SKAP1: variants seen among roughly 807,000 people sequenced by gnomAD.
The protein encoded by SKAP1 is src kinase-associated phosphoprotein 1.
A neutral mutation model predicts 58.5 loss-of-function variants in SKAP1; 44 were observed. That is an observed-to-expected ratio of 0.75 (90% CI 0.59 to 0.97). SKAP1 has a LOEUF of 0.97. Among genes scored for constraint, SKAP1 ranks in the 50% least tolerant of loss-of-function variants. The pLI, the probability that SKAP1 is intolerant of heterozygous loss-of-function variation, is 0.00. For synonymous variants in SKAP1, 127 were observed against 149.7 expected (o/e 0.85, Z 1.11); for missense variants, 390 against 435.2 (o/e 0.90, Z 0.92).
chr17:48,345,066 T>C (rs2066704904), intron 4 of SKAP1, among the ~76,000 whole-genome samples: 1 of 152,202 alleles, frequency 6.6e-6, no homozygotes, highest in Non-Finnish European at 1.5e-5. Context: ...TGGGAAGGCA[T>C]GAGAGAGACT....
chr17:48,405,425 CTTTCTTTCTTTCTTTCTTTCTTTCT>C (rs199815229), intron 1 of SKAP1, among the ~76,000 whole-genome samples: 2,595 of 85,998 alleles, frequency 0.03, 55 homozygotes, highest in East Asian at 0.071. Flanking sequence ...TTCTTTCTTT[CTTTCTTTCTTTCTTTCTTTCTTTCT>C]TTTCTTTCTT....
chr17:48,172,972 T>TA (rs2143390933), intron 9 of SKAP1, among the ~76,000 whole-genome samples: 1 of 152,216 alleles, frequency 6.6e-6, no homozygotes, highest in African/African-American at 2.4e-5. Context: ...GCCCAAGAGT[T>TA]AGACACCAGC....
At chr17:48,322,750 C>G (rs1274172143) in intron 4 of SKAP1, among the ~76,000 whole-genome samples, 1 of 152,214 alleles carries the variant, frequency 6.6e-6, no homozygotes, top group Non-Finnish European at 1.5e-5. Context: ...GCCCTCTGCA[C>G]TTTTCAGCTG....
intron 4 of SKAP1, among the ~76,000 whole-genome samples, chr17:48,273,825 C>G (rs946075746): frequency 5.3e-5 from 8 of 152,276 alleles, no homozygotes; most frequent in African/African-American, 1.9e-4. Context: ...GTTAATAATG[C>G]AGATTCAGGG....
At chr17:48,293,143 A>C (rs2065919762) in intron 4 of SKAP1, among the ~76,000 whole-genome samples, 1 of 152,188 alleles carries the variant, frequency 6.6e-6, no homozygotes, top group South Asian at 2.1e-4. Context: ...GTAATCCTTA[A>C]GCTGTAATTT....
chr17:48,208,402 A>G (rs986297607), intron 4 of SKAP1, among the ~76,000 whole-genome samples: 2 of 152,162 alleles, frequency 1.3e-5, no homozygotes, highest in Non-Finnish European at 2.9e-5. Flanking sequence ...TGAAGGTATA[A>G]ATCAGCTTTC....
At chr17:48,181,348 G>A (rs2064366298) in intron 8 of SKAP1, among the ~76,000 whole-genome samples, 1 of 152,078 alleles carries the variant, frequency 6.6e-6, no homozygotes, top group Non-Finnish European at 1.5e-5. Context: ...GTTTTATTGA[G>A]GTTTACACAC....
intron 8 of SKAP1, among the ~76,000 whole-genome samples, chr17:48,181,049 G>T (rs1431791268): frequency 2.0e-5 from 3 of 152,108 alleles, no homozygotes; most frequent in Non-Finnish European, 4.4e-5. Flanking sequence ...CCCTCTGCAG[G>T]ATGGGTGAGT....
intron 4 of SKAP1, among the ~76,000 whole-genome samples, chr17:48,264,184 T>C (rs1953177257): frequency 6.7e-6 from 1 of 148,992 alleles, no homozygotes; most frequent in African/African-American, 2.6e-5. Flanking sequence ...AAGCATTTGA[T>C]ATCTAGCTTA....
At chr17:48,376,850 G>A (rs2067156182) in intron 2 of SKAP1, among the ~76,000 whole-genome samples, 1 of 152,184 alleles carries the variant, frequency 6.6e-6, no homozygotes, top group Admixed American at 6.5e-5. Flanking sequence ...AAGAACCCAT[G>A]TCTGACTAAT....
At chr17:48,433,704 A>G (rs2067929115), upstream of SKAP1, among the ~76,000 whole-genome samples, 1 of 152,266 alleles carries the variant, frequency 6.6e-6, no homozygotes, top group Admixed American at 6.5e-5. Context: ...GATGTAGAAC[A>G]GCCAGGAATG....
At chr17:48,414,117 A>T (rs2144590922) in intron 1 of SKAP1, among the ~76,000 whole-genome samples, 1 of 152,362 alleles carries the variant, frequency 6.6e-6, no homozygotes, top group East Asian at 1.9e-4. Context: ...CTTAACTAAG[A>T]GTTTACAGTC....
chr17:48,146,508 A>G (rs1418569151), intron 11 of SKAP1, among the ~76,000 whole-genome samples: 1 of 149,882 alleles, frequency 6.7e-6, no homozygotes, highest in Non-Finnish European at 1.5e-5. Flanking sequence ...AAAAAAAACA[A>G]TGAAGGGGAA....
At chr17:48,147,679 G>A (rs550173616) in intron 11 of SKAP1, among the ~76,000 whole-genome samples, 4 of 152,276 alleles carry the variant, frequency 2.6e-5, no homozygotes, top group South Asian at 2.1e-4. Flanking sequence ...TGAAAGGATC[G>A]AAGCTCAGCA....
chr17:48,223,958 T>G (rs2065033525), intron 4 of SKAP1, among the ~76,000 whole-genome samples: 1 of 150,756 alleles, frequency 6.6e-6, no homozygotes. Flanking sequence ...GAAGGCAGTG[T>G]GTATAGACTG....
chr17:48,422,222 A>G (rs1263807455), intron 1 of SKAP1, among the ~76,000 whole-genome samples: 1 of 152,076 alleles, frequency 6.6e-6, no homozygotes, highest in Non-Finnish European at 1.5e-5. Context: ...AACAAACAAA[A>G]AGCCTCCCAT....
intron 4 of SKAP1, among the ~76,000 whole-genome samples, chr17:48,232,381 T>A (rs1030956836): frequency 4.2e-4 from 64 of 152,364 alleles, no homozygotes; most frequent in African/African-American, 1.3e-3. Flanking sequence ...GGTACCTTTT[T>A]ATGTAAAGAT....
At chr17:48,424,447 A>G (rs1175704089) in intron 1 of SKAP1, among the ~76,000 whole-genome samples, 2 of 150,050 alleles carry the variant, frequency 1.3e-5, no homozygotes, top group Admixed American at 6.6e-5. Context: ...GGATGGTCTC[A>G]ATCTCCTGAC....
At chr17:48,166,540 T>C (rs367641452) in intron 10 of SKAP1, among the ~76,000 whole-genome samples, 1 of 152,210 alleles carries the variant, frequency 6.6e-6, no homozygotes, top group Admixed American at 6.5e-5. Context: ...GTTCAGCTTA[T>C]GTTTGGGAGT....
Sources: gnomAD v4.1 joint callset for allele counts (sites outside exome capture counted in the v4.1 genomes callset) on GRCh38, gnomAD v4.1.1 for gene constraint, MANE v1.5 for transcripts, NCBI Gene and HGNC (gene_info 2026-07-23, HGNC 2026-07-21) for gene names.